The following ZNF585A variants were observed in gnomAD, a reference collection of about 807,000 sequenced individuals.
ZNF585A encodes zinc finger protein 585A.
Under a neutral mutation model 14.9 loss-of-function variants are expected in ZNF585A, and 9 were observed. That is an observed-to-expected ratio of 0.60 (90% CI 0.36 to 1.05). The LOEUF is 1.05. ZNF585A is among the 50% of genes least tolerant of loss of function. The pLI is 0.01. For synonymous variants in ZNF585A, 276 were observed against 319.9 expected, an observed-to-expected ratio of 0.86 and a Z score of 1.46; for missense variants, 726 against 926.4, an observed-to-expected ratio of 0.78 and a Z score of 2.81.
In ZNF585A at chr19:37,150,747, C is replaced by T. The variant is rs55856280; in HGVS notation, c.*842G>A. 36,392 of 146,556 alleles carry T rather than the reference C, an allele frequency of 0.25. 5,041 individuals are homozygous for T. Among genetic ancestry groups the T allele is most frequent in the Non-Finnish European group, 0.32 (21,598 of 66,600 alleles). The allele number at this position is 146,556 out of a possible 1,614,324, so 9.1% of individuals were successfully genotyped here. A position where few individuals can be genotyped will look rare whatever the true frequency, so the allele number is the denominator to read the frequency against. ...CTAAGCTTCAAGTCAGTGATGAGTACGAAAAAAAAAAAAAGGCAACTGAGT... is the reference window on the plus strand; with the variant it reads ...CTAAGCTTCAAGTCAGTGATGAGTATGAAAAAAAAAAAAAGGCAACTGAGT... On this transcript the variant is annotated 3_prime_UTR_variant, in exon 5 of 5. Transcript: ENST00000292841.
chr19:37,156,403 T>C (rs755732652), intron 2 of ZNF585A, 48 bp from the exon 3 acceptor site: 2 of 1,603,218 alleles, frequency 1.2e-6, no homozygotes, highest in African/African-American at 2.7e-5. Context: ...CTTAGAGGGT[T>C]GGAGAGACTA....
chr19:37,159,996 G>A (rs1193444132), intron 2 of ZNF585A, among the ~76,000 whole-genome samples: 1 of 152,054 alleles, frequency 6.6e-6, no homozygotes, highest in African/African-American at 2.4e-5. Flanking sequence ...ATTAGAAAAG[G>A]GAAAAAGCTA....
intron 2 of ZNF585A, among the ~76,000 whole-genome samples, chr19:37,162,149 CCTGACCTCGGGTCATCTGCCCAT>C (rs1490837371): frequency 6.6e-6 from 1 of 152,204 alleles, no homozygotes; most frequent in Non-Finnish European, 1.5e-5. Flanking sequence ...GTCTTGAACT[CCTGACCTCGGGTCATCTGCCCAT>C]CTGGGCCTCC....
At position 37,149,954 on chromosome 19, in the gene ZNF585A, T is replaced by G. The variant is rs1971798633; in HGVS notation, c.*1635A>C. 6.6e-6 allele frequency: 1 copy of G among 151,972 alleles called. No homozygotes were observed. Among genetic ancestry groups the G allele is most frequent in the Non-Finnish European group, 1.5e-5 (1 of 68,056 alleles). The allele number at this position is 151,972 out of a possible 1,614,324, so 9.4% of individuals were successfully genotyped here. On this transcript the variant is annotated 3_prime_UTR_variant, in exon 5 of 5. Transcript: ENST00000292841. ...GACTAAGGAACCGCATGAAGCAATG[T>G]GGGAAATTGGGAATCAGCAGACATT...
chr19:37,165,082 C>T (rs1046023975), intron 2 of ZNF585A, among the ~76,000 whole-genome samples: 1 of 152,076 alleles, frequency 6.6e-6, no homozygotes, highest in East Asian at 1.9e-4. Context: ...TCCTTTTCAG[C>T]TGGGTGCGGT....
chr19:37,155,922 C>G lies in ZNF585A; in HGVS notation c.235G>C (p.Glu79Gln), dbSNP rs2145402400. ...QVPEAEVVML[E>Q]QGKEPWALQG... ...AGTGCCCATGGTTCCTTTCCTTGCT[C>G]CAACATGACCACCTCTGCTTCAGGA... is the stretch of plus-strand genomic sequence containing the variant. Residue 79 changes from glutamate (E) to glutamine (Q), a missense_variant, in exon 4 of 5, where the codon GAG becomes CAG. Transcript: ENST00000292841. 3 of 1,612,882 alleles carry G rather than the reference C, an allele frequency of 1.9e-6. No homozygotes were observed. The highest frequency in any genetic ancestry group is 2.5e-6 in the Non-Finnish European group (3 of 1,180,020).
chr19:37,157,265 C>T (rs563583855), intron 2 of ZNF585A, among the ~76,000 whole-genome samples: 2 of 152,196 alleles, frequency 1.3e-5, no homozygotes, highest in African/African-American at 4.8e-5. Context: ...ACTCATTTTT[C>T]AAAACTGGCA....
chr19:37,164,559 AT>A (rs1228587541), intron 2 of ZNF585A, among the ~76,000 whole-genome samples: 1 of 151,724 alleles, frequency 6.6e-6, no homozygotes, highest in Non-Finnish European at 1.5e-5. Flanking sequence ...AAGCTATCAA[AT>A]TTTTTTCTTT....
rs1383236062 is a variant in ZNF585A, at chr19:37,151,595, G to A, written c.2304C>T (p.His768=). Reference sequence around the variant, plus strand: ...TTTTCTCACACTGTTTCTCTCAAGCGTGGCTGCTCTGATGGACGCTGAACA... The same window carrying A: ...TTTTCTCACACTGTTTCTCTCAAGCATGGCTGCTCTGATGGACGCTGAACA... ...KSVFSVHQSS[H]A Residue 768 remains histidine (H), a synonymous_variant, in exon 5 of 5, where the codon CAC becomes CAT. Coordinates refer to ENST00000292841, the MANE Select transcript of ZNF585A (RefSeq NM_001288800.2). 43 of 1,611,720 alleles carry A rather than the reference G, an allele frequency of 2.7e-5. No individual in the cohort carries two copies. The highest frequency in any genetic ancestry group is 3.4e-5 in the Non-Finnish European group (40 of 1,178,320).
In ZNF585A at chr19:37,147,423, T is replaced by C. The variant is rs1971756796; in HGVS notation, c.*4166A>G. 1 of 152,216 alleles carries C rather than the reference T, an allele frequency of 6.6e-6. No individual in the cohort carries two copies. The highest frequency in any genetic ancestry group is 2.4e-5 in the African/African-American group (1 of 41,460). 9.4% of individuals were successfully genotyped at this position (152,216 alleles called of 1,614,324 possible). ...TTGAGATGCCTGACAAATAAAAATGTTGACTAACTCCAACTGCAGACTCTC... is the reference window on the plus strand; with the variant it reads ...TTGAGATGCCTGACAAATAAAAATGCTGACTAACTCCAACTGCAGACTCTC... On this transcript the variant is annotated 3_prime_UTR_variant, in exon 5 of 5. Coordinates refer to ENST00000292841, the MANE Select transcript of ZNF585A (RefSeq NM_001288800.2).
rs781126119 is a variant in ZNF585A at position 37,152,556 on chromosome 19, G to A, written c.1343C>T (p.Thr448Ile). ...ATGAACATGGAGTTGCGACTTGGAG[G>A]TAAACAATTTCCCACAGTGACCACA... ...HKCGHCGKLF[T>I]SKSQLHVHKR... Residue 448 changes from threonine (T) to isoleucine (I), a missense_variant, in exon 5 of 5, where the codon ACC (threonine) becomes ATC (isoleucine). Around this residue, in one of 2 missense-constraint regions of ZNF585A, gnomAD observed 483 missense variants for 542.8 expected, o/e 0.89. Coordinates refer to ENST00000292841, the MANE Select transcript of ZNF585A (RefSeq NM_001288800.2). 9 of 1,613,954 alleles carry A rather than the reference G, an allele frequency of 5.6e-6. No homozygotes were observed. Among genetic ancestry groups the A allele is most frequent in the Non-Finnish European group, 7.6e-6 (9 of 1,180,004 alleles).
Position 37,153,011 on chromosome 19 carries a change from T to C in ZNF585A, c.888A>G (p.Lys296=), listed in dbSNP as rs1189450119. The part of the protein sequence containing the change: ...IAHRRIHTGE[K]PYECSNCGKS... ...TGCCACAGTTACTGCACTCATATGG[T>C]TTTTCTCCAGTATGAATTCTTCGGT... The change falls in exon 5 of 5, where the codon AAA becomes AAG. Residue 296 remains lysine (K), a synonymous_variant. Coordinates refer to ENST00000292841, the MANE Select transcript of ZNF585A (RefSeq NM_001288800.2). The C allele has an allele frequency of 6.2e-7, 1 of 1,614,174 alleles. No individual in the cohort carries two copies. Among genetic ancestry groups the C allele is most frequent in the African/African-American group, 1.3e-5 (1 of 75,042 alleles).
intron 2 of ZNF585A, among the ~76,000 whole-genome samples, chr19:37,160,811 C>G (rs181789050): frequency 6.6e-6 from 1 of 152,124 alleles, no homozygotes; most frequent in South Asian, 2.1e-4. Context: ...TTAAAAGCTC[C>G]CGAAAAAGAA....
At chr19:37,172,302 T>C (rs1190439247) in intron 1 of ZNF585A, 2 of 152,182 alleles carry the variant, frequency 1.3e-5, no homozygotes, top group African/African-American at 4.8e-5. Context: ...AACTTGAGAA[T>C]TTTTATATTA....
chr19:37,152,854 T>A lies in ZNF585A; in HGVS notation c.1045A>T (p.Ser349Cys). ...SNLVTHKKVQSREKSSICTEC... is the reference protein window; with the variant it reads ...SNLVTHKKVQCREKSSICTEC... ...GTACATATGGAAGATTTCTCTCTAC[T>A]TTGAACTTTCTTATGTGTAACGAGG... Residue 349 changes from serine (S) to cysteine (C), a missense_variant, in exon 5 of 5, where the codon AGT becomes TGT. Physicochemically the swap from Ser to Cys is moderately radical, Grantham distance 112 (BLOSUM62 -1). This residue lies in a region of ZNF585A where 483 missense variants were observed against 542.8 expected (regional missense o/e 0.89). Transcript: ENST00000292841. 6.2e-7 allele frequency: 1 copy of A among 1,614,232 alleles called. No individual in the cohort carries two copies. The highest frequency in any genetic ancestry group is 8.5e-7 in the Non-Finnish European group (1 of 1,180,048).
Position 37,150,977 on chromosome 19 carries a change from G to A in ZNF585A, c.*612C>T, listed in dbSNP as rs1386030763. 1 of 161,234 alleles carries A rather than the reference G, an allele frequency of 6.2e-6. No individual in the cohort carries two copies. 10.0% of individuals were successfully genotyped at this position (161,234 alleles called of 1,614,324 possible). ...GCAAGTCTTGGTAGATGACAGTGGG[G>A]ACTCAACATACATTCTGAGGTTTAC... is the stretch of plus-strand genomic sequence containing the variant. On this transcript the variant is annotated 3_prime_UTR_variant, in exon 5 of 5. Coordinates refer to ENST00000292841, the MANE Select transcript of ZNF585A (RefSeq NM_001288800.2).
chr19:37,153,486 A>G lies in ZNF585A; in HGVS notation c.413T>C (p.Ile138Thr), dbSNP rs759532664. 29 of 1,614,044 alleles carry G rather than the reference A, an allele frequency of 1.8e-5. No individual in the cohort carries two copies. The highest frequency in any genetic ancestry group is 2.4e-5 in the Non-Finnish European group (28 of 1,180,034). Reference protein sequence around the residue: ...KAYECAKFEKIFTQKSQLKVH... With the variant: ...KAYECAKFEKTFTQKSQLKVH... ...TTTGAGCTGTGACTTCTGGGTGAAT[A>G]TCTTTTCAAATTTGGCGCATTCATA... Residue 138 changes from isoleucine to threonine, a missense_variant, in exon 5 of 5, where the codon ATA becomes ACA. By Grantham distance (89) the Ile-to-Thr change is moderately conservative. Transcript: ENST00000292841.
Position 37,147,700 on chromosome 19 carries a change from T to C in ZNF585A, c.*3889A>G, listed in dbSNP as rs1208946952. ...AACATACTGTAGACACAATTTTCTA[T>C]AGTATGTAATGACAGGCACATATAA... On this transcript the variant is annotated 3_prime_UTR_variant, in exon 5 of 5. Coordinates refer to ENST00000292841, the MANE Select transcript of ZNF585A (RefSeq NM_001288800.2). 1 of 152,192 alleles carries C rather than the reference T, an allele frequency of 6.6e-6. No individual in the cohort carries two copies. The highest frequency in any genetic ancestry group is 1.5e-5 in the Non-Finnish European group (1 of 68,024). The allele number at this position is 152,192 out of a possible 1,614,324, so 9.4% of individuals were successfully genotyped here.
chr19:37,171,198 A>G (rs1169418098), intron 1 of ZNF585A, among the ~76,000 whole-genome samples: 1 of 152,238 alleles, frequency 6.6e-6, no homozygotes, highest in Non-Finnish European at 1.5e-5. Flanking sequence ...GACTATTAAA[A>G]TAAATTTTAG....
Sources: gnomAD v4.1 joint callset for allele counts (sites outside exome capture counted in the v4.1 genomes callset) on GRCh38, gnomAD v4.1.1 for gene constraint, gnomAD v4.1.1 regional missense constraint, MANE v1.5 for transcripts, NCBI Gene and HGNC (gene_info 2026-07-23, HGNC 2026-07-21) for gene names.